The following SUGCT variants were observed in gnomAD, a reference collection of about 807,000 sequenced individuals.
SUGCT encodes the protein succinyl-CoA:glutarate-CoA transferase.
A neutral mutation model predicts 55.0 loss-of-function variants in SUGCT; 41 were observed. The observed-to-expected ratio is 0.74, with a 90% CI of 0.58 to 0.97. The LOEUF (loss-of-function observed/expected upper bound fraction) is 0.97, where lower values mean the gene tolerates loss of function less well. SUGCT is among the 50% of genes least tolerant of loss of function. The probability of loss-of-function intolerance (pLI) is 0.00; values close to 1 mark genes in which losing one functional copy is unlikely to be tolerated. For synonymous variants in SUGCT, 187 were observed against 200.4 expected, an observed-to-expected ratio of 0.93 and a Z score of 0.56; for missense variants, 568 against 547.8, an observed-to-expected ratio of 1.04 and a Z score of -0.37.
the SUGCT span, among the ~76,000 whole-genome samples, chr7:41,018,095 A>G: frequency 6.6e-6 from 1 of 151,954 alleles, no homozygotes; most frequent in Non-Finnish European, 1.5e-5. Context: ...AGGATGGCTG[A>G]CCAGATCATC....
chr7:40,702,119 C>CA (rs34852663), intron 12 of SUGCT, among the ~76,000 whole-genome samples: 1 of 152,196 alleles, frequency 6.6e-6, no homozygotes, highest in Non-Finnish European at 1.5e-5. Flanking sequence ...TCAAAGCCAC[C>CA]AAAAACCTGA....
intron 9 of SUGCT, among the ~76,000 whole-genome samples, chr7:40,409,452 G>A (rs1197040588): frequency 6.6e-6 from 1 of 151,696 alleles, no homozygotes; most frequent in African/African-American, 2.4e-5. Context: ...TAGAGATGGG[G>A]TCTCACTCTG....
intron 13 of SUGCT, among the ~76,000 whole-genome samples, chr7:40,752,745 TGGGCACAGGGA>T (rs1439132529): frequency 6.6e-6 from 1 of 152,174 alleles, no homozygotes; most frequent in Non-Finnish European, 1.5e-5. Flanking sequence ...GTGAGGAGCA[TGGGCACAGGGA>T]GAAGTAAATA....
chr7:40,841,117 C>T (rs1449103736), intron 13 of SUGCT, among the ~76,000 whole-genome samples: 2 of 151,624 alleles, frequency 1.3e-5, no homozygotes, highest in African/African-American at 4.8e-5. Context: ...TTCAAAATGT[C>T]ATGTGGGAAC....
At chr7:40,377,199 T>C (rs111350636) in intron 9 of SUGCT, among the ~76,000 whole-genome samples, 2,171 of 8,492 alleles carry the variant, frequency 0.26, 672 homozygotes, top group Middle Eastern at 0.62. Context: ...TCTTTCTTTC[T>C]TTTCTTTTCT....
intron 12 of SUGCT, among the ~76,000 whole-genome samples, chr7:40,512,935 G>A (rs1419781791): frequency 6.6e-6 from 1 of 152,172 alleles, no homozygotes; most frequent in East Asian, 1.9e-4. Flanking sequence ...TATGATGCCA[G>A]CTACTGGAAG....
intron 12 of SUGCT, among the ~76,000 whole-genome samples, chr7:40,620,147 A>T (rs369303457): frequency 1.3e-5 from 2 of 152,158 alleles, no homozygotes; most frequent in Non-Finnish European, 2.9e-5. Context: ...GATGTCAGGG[A>T]TGTACCTTAC....
chr7:41,001,173 A>T, the SUGCT span, among the ~76,000 whole-genome samples: 2 of 152,290 alleles, frequency 1.3e-5, no homozygotes, highest in South Asian at 4.1e-4. Context: ...TCAGTTAAAG[A>T]TGCTGATAGA....
intron 11 of SUGCT, among the ~76,000 whole-genome samples, chr7:40,493,017 ATAT>A (rs1244210564): frequency 1.3e-5 from 2 of 152,206 alleles, no homozygotes; most frequent in East Asian, 1.9e-4. Context: ...GTGAAGAAGC[ATAT>A]TATTAGTGCA....
the SUGCT span, among the ~76,000 whole-genome samples, chr7:41,018,788 A>G: frequency 1.3e-5 from 2 of 152,222 alleles, no homozygotes; most frequent in Non-Finnish European, 2.9e-5. Flanking sequence ...TTATTTTTCA[A>G]TTGTTGACAA....
At chr7:40,828,211 C>T (rs1270144647) in intron 13 of SUGCT, among the ~76,000 whole-genome samples, 2 of 152,150 alleles carry the variant, frequency 1.3e-5, no homozygotes, top group Admixed American at 6.5e-5. Context: ...TGAATATGCT[C>T]ATCAGTTCAT....
At chr7:41,002,966 G>A in the SUGCT span, among the ~76,000 whole-genome samples, 1 of 151,868 alleles carries the variant, frequency 6.6e-6, no homozygotes, top group Non-Finnish European at 1.5e-5. Flanking sequence ...CCCATAGGAG[G>A]CATTCAATGA....
chr7:40,396,904 T>C (rs1288703114), intron 9 of SUGCT, among the ~76,000 whole-genome samples: 1 of 152,200 alleles, frequency 6.6e-6, no homozygotes, highest in African/African-American at 2.4e-5. Flanking sequence ...TTTTATGCTA[T>C]CTTATATGAC....
chr7:40,198,993 A>C (rs74401305), intron 6 of SUGCT, among the ~76,000 whole-genome samples: 3 of 144,136 alleles, frequency 2.1e-5, no homozygotes, highest in Non-Finnish European at 3.1e-5. Context: ...ACTCCACCTC[A>C]AAAAAAAAAA....
At chr7:40,301,230 G>A (rs1021613070) in intron 8 of SUGCT, among the ~76,000 whole-genome samples, 10 of 152,030 alleles carry the variant, frequency 6.6e-5, no homozygotes, top group Non-Finnish European at 1.0e-4. Flanking sequence ...CACCTAGCAC[G>A]GTGCCTGAAT....
At chr7:40,766,488 T>G (rs920651913) in intron 13 of SUGCT, among the ~76,000 whole-genome samples, 2 of 152,150 alleles carry the variant, frequency 1.3e-5, no homozygotes, top group Admixed American at 6.6e-5. Context: ...GGGAAAATCT[T>G]TATTTAATAT....
At chr7:40,245,585 G>A (rs1280842761) in intron 7 of SUGCT, among the ~76,000 whole-genome samples, 5 of 147,192 alleles carry the variant, frequency 3.4e-5, no homozygotes, top group Admixed American at 1.4e-4. Flanking sequence ...GACTACAGGG[G>A]CCCACCACCA....
At chr7:41,010,558 C>T in the SUGCT span, among the ~76,000 whole-genome samples, 81 of 152,284 alleles carry the variant, frequency 5.3e-4, no homozygotes, top group Admixed American at 5.3e-3. Flanking sequence ...CACAGTCTGG[C>T]TGGAACAGAG....
At chr7:40,399,790 T>C (rs1235777486) in intron 9 of SUGCT, among the ~76,000 whole-genome samples, 1 of 152,176 alleles carries the variant, frequency 6.6e-6, no homozygotes. Context: ...ACAGAAAGGG[T>C]AAGAGCACAT....
Sources: gnomAD v4.1 joint callset for allele counts (sites outside exome capture counted in the v4.1 genomes callset) on GRCh38, gnomAD v4.1.1 for gene constraint, MANE v1.5 for transcripts, NCBI Gene and HGNC (gene_info 2026-07-23, HGNC 2026-07-21) for gene names.